Variants in UXS1 observed in about 807,000 individuals in gnomAD.
UXS1 encodes UDP-glucuronic acid decarboxylase 1.
In UXS1, 33 loss-of-function variants were observed where a neutral mutation model predicts 62.6. The ratio of observed to expected loss-of-function variants is 0.53; its 90% CI spans 0.40 to 0.70. The LOEUF is 0.70. Among genes scored for constraint, UXS1 ranks in the 30% least tolerant of loss-of-function variants. The pLI, the probability that UXS1 is intolerant of heterozygous loss-of-function variation, is 0.00. For synonymous variants in UXS1, 213 were observed against 206.8 expected (o/e 1.03, Z -0.26); for missense variants, 434 against 556.3 (o/e 0.78, Z 2.21).
At chr2:106,167,728 G>A (rs1683297200) in intron 1 of UXS1, among the ~76,000 whole-genome samples, 1 of 152,124 alleles carries the variant, frequency 6.6e-6, no homozygotes, top group Non-Finnish European at 1.5e-5. Context: ...AATAAAAACT[G>A]CTTATGTCAG....
chr2:106,130,701 G>A (rs192791692), intron 6 of UXS1, among the ~76,000 whole-genome samples: 192 of 152,276 alleles, frequency 1.3e-3, no homozygotes, highest in African/African-American at 4.1e-3. Context: ...TCCCAGTGCC[G>A]GGAATGGAAG....
rs1179721808 is a variant in UXS1 at position 106,139,401 on chromosome 2, G to C, written c.472+5789C>G. Among the ~76,000 whole-genome samples the C allele has an allele frequency of 2.0e-5, 3 of 152,316 alleles. No individual in the cohort carries two copies. The East Asian group carries it at 5.8e-4, about 29-fold the overall frequency. On this transcript the variant is annotated intron_variant, in intron 6 of 14. Coordinates refer to ENST00000283148, the MANE Select transcript of UXS1 (RefSeq NM_001253875.2). ...TGGGAAGTGGCTGGGTGAGGGCACA[G>C]CTGCGACTTACTCGGCCCTTCTATG...
At chr2:106,097,407 C>G (rs1292155253) in intron 13 of UXS1, 2 of 350,798 alleles carry the variant, frequency 5.7e-6, no homozygotes, top group Non-Finnish European at 1.1e-5. Context: ...GTGGGCCAGA[C>G]CTGCAGAAGA....
chr2:106,174,343 A>G (rs1208873907), intron 1 of UXS1, among the ~76,000 whole-genome samples: 2 of 152,244 alleles, frequency 1.3e-5, no homozygotes, highest in Non-Finnish European at 2.9e-5. Flanking sequence ...CAAATCTGGA[A>G]GCAGCGGTGT....
intron 5 of UXS1, among the ~76,000 whole-genome samples, chr2:106,146,376 C>T (rs1681566988): frequency 6.6e-6 from 1 of 152,196 alleles, no homozygotes; most frequent in African/African-American, 2.4e-5. Context: ...AAAAGGTATA[C>T]AAACTCCTAG....
chr2:106,175,326 C>A lies in UXS1; in HGVS notation c.95-9243G>T, dbSNP rs534446787. ...TCTCAAGCTTTTCTGAACATGTGAGCTGTATCGAAAAGCTTCATCTAAGTT... is the reference window on the plus strand; with the variant it reads ...TCTCAAGCTTTTCTGAACATGTGAGATGTATCGAAAAGCTTCATCTAAGTT... On this transcript the variant is annotated intron_variant, in intron 1 of 14. Transcript: ENST00000283148. Among the ~76,000 whole-genome samples, 8 of 152,358 alleles carry A rather than the reference C, an allele frequency of 5.3e-5. No homozygotes were observed. The South Asian group carries it at 1.5e-3, about 28-fold the overall frequency.
At chr2:106,109,784 T>C (rs187827743) in intron 10 of UXS1, among the ~76,000 whole-genome samples, 13 of 152,306 alleles carry the variant, frequency 8.5e-5, no homozygotes, top group East Asian at 1.9e-4. Flanking sequence ...AAGACAGGCA[T>C]GAGGAATCTG....
chr2:106,101,161 T>C, intron 11 of UXS1, 43 bp from the exon 12 acceptor site: 2 of 1,610,720 alleles, frequency 1.2e-6, no homozygotes, highest in Non-Finnish European at 1.7e-6. Flanking sequence ...CCTGCTGGAA[T>C]ATGCTAGTGC....
intron 10 of UXS1, among the ~76,000 whole-genome samples, chr2:106,108,418 C>T (rs1678276640): frequency 6.6e-6 from 1 of 152,216 alleles, no homozygotes; most frequent in South Asian, 2.1e-4. Context: ...CTGAGGCCTT[C>T]CATCTCCCCC....
At position 106,121,048 on chromosome 2, in the gene UXS1, TAG is replaced by T. The variant is rs541253600; in HGVS notation, c.759+1920_759+1921del. Among the ~76,000 whole-genome samples the T allele has an allele frequency of 1.1e-4, 17 of 152,300 alleles. 2 individuals carry two copies. The South Asian group carries it at 3.3e-3, about 30-fold the overall frequency. ...TTAAATGCTGATGTTCCAGAGTTAC[TAG>T]GTGCTACCTTCCGGAACCCCCAGGC... On this transcript the variant is annotated intron_variant, in intron 9 of 14. Coordinates refer to ENST00000283148, the MANE Select transcript of UXS1 (RefSeq NM_001253875.2).
intron 1 of UXS1, among the ~76,000 whole-genome samples, chr2:106,179,780 C>A (rs182992011): frequency 2.0e-5 from 3 of 152,310 alleles, no homozygotes; most frequent in Non-Finnish European, 1.5e-5. Context: ...TTCTGTGCAA[C>A]CATAGATTCA....
At chr2:106,155,161 A>G (rs1305837404) in intron 5 of UXS1, among the ~76,000 whole-genome samples, 1 of 152,214 alleles carries the variant, frequency 6.6e-6, no homozygotes, top group Non-Finnish European at 1.5e-5. Flanking sequence ...CCCCACCTCC[A>G]ACACTGGAGA....
intron 7 of UXS1, among the ~76,000 whole-genome samples, chr2:106,128,194 G>C (rs948304503): frequency 2.6e-5 from 4 of 152,190 alleles, no homozygotes; most frequent in Admixed American, 1.3e-4. Flanking sequence ...GTAGGCGCTT[G>C]TGATGGCAAG....
At chr2:106,193,322 T>C (rs1310659322) in intron 1 of UXS1, among the ~76,000 whole-genome samples, 1 of 152,190 alleles carries the variant, frequency 6.6e-6, no homozygotes, top group African/African-American at 2.4e-5. Flanking sequence ...TTTTGCTACT[T>C]GGTAACGTAT....
At position 106,096,785 on chromosome 2, in the gene UXS1, T is replaced by G; in HGVS notation, c.1079A>C (p.Gln360Pro). The G allele has an allele frequency of 6.3e-7, 1 of 1,593,472 alleles. No individual in the cohort carries two copies. Among genetic ancestry groups the G allele is most frequent in the East Asian group, 2.3e-5 (1 of 44,398 alleles). Residue 360 changes from glutamine to proline, a missense_variant, in exon 14 of 15, where the codon CAG becomes CCG. This residue lies in a region of UXS1 where 209 missense variants were observed against 233.3 expected (regional missense o/e 0.90). Coordinates refer to ENST00000283148, the MANE Select transcript of UXS1 (RefSeq NM_001253875.2). ...GSEIQFLSEA[Q>P]DDPQKRKPDI... is the part of the protein sequence containing the mutation. ...TGGTTTTCTTTTCTGTGGGTCATCC[T>G]GGGCTTCGGAGAGAAACTGAATTTC... is the stretch of plus-strand genomic sequence containing the variant.
At chr2:106,175,659 C>A (rs1397305834) in intron 1 of UXS1, among the ~76,000 whole-genome samples, 1 of 152,160 alleles carries the variant, frequency 6.6e-6, no homozygotes, top group Non-Finnish European at 1.5e-5. Context: ...TGAAGTCTGA[C>A]CACGTGAGGC....
intron 6 of UXS1, among the ~76,000 whole-genome samples, chr2:106,130,455 C>T (rs1223228665): frequency 6.6e-6 from 1 of 152,222 alleles, no homozygotes; most frequent in East Asian, 1.9e-4. Flanking sequence ...GCAACAGACA[C>T]ACACACACAG....
At position 106,093,694 on chromosome 2, in the gene UXS1, T is replaced by C; in HGVS notation, c.*332A>G. ...TTTTTTGTCCCGCTTAATGTTCCTT[T>C]TCAGCTTCACAAAGAAACCAGTAAA... On this transcript the variant is annotated 3_prime_UTR_variant, in exon 15 of 15. Coordinates refer to ENST00000283148, the MANE Select transcript of UXS1 (RefSeq NM_001253875.2). The C allele has an allele frequency of 4.6e-6, 1 of 217,880 alleles. No individual in the cohort carries two copies. The highest frequency in any genetic ancestry group is 8.9e-6 in the Non-Finnish European group (1 of 111,980). 13.5% of individuals were successfully genotyped at this position (217,880 alleles called of 1,614,324 possible). A position where few individuals can be genotyped will look rare whatever the true frequency, so the allele number is the denominator to read the frequency against.
chr2:106,146,490 C>A (rs1483393594), intron 5 of UXS1, among the ~76,000 whole-genome samples: 1 of 152,132 alleles, frequency 6.6e-6, no homozygotes, highest in African/African-American at 2.4e-5. Flanking sequence ...GTAAAGCCAC[C>A]TGGATTTGAG....
Sources: allele counts gnomAD v4.1 joint callset (sites outside exome capture counted in the v4.1 genomes callset), GRCh38; gene constraint gnomAD v4.1.1; regional missense constraint gnomAD v4.1.1; transcripts MANE v1.5; gene names NCBI Gene and HGNC (gene_info 2026-07-23, HGNC 2026-07-21).